The following ITGA1 variants were observed in gnomAD, a reference collection of about 807,000 sequenced individuals.
ITGA1 encodes the protein integrin subunit alpha 1.
A neutral mutation model predicts 145.9 loss-of-function variants in ITGA1; 85 were observed. That is an observed-to-expected ratio of 0.58 (90% CI 0.49 to 0.70). The LOEUF is 0.70. ITGA1 is among the 30% of genes least tolerant of loss of function. The pLI is 0.00. For missense variants in ITGA1, 1,351 were observed against 1,418.7 expected, an observed-to-expected ratio of 0.95 and a Z score of 0.77; for synonymous variants, 520 against 495.3, an observed-to-expected ratio of 1.05 and a Z score of -0.66.
rs955518785 is a variant in ITGA1 at position 52,911,969 on chromosome 5, C to A, written c.1857+1550C>A. Among the ~76,000 whole-genome samples the A allele has an allele frequency of 3.1e-3, 227 of 74,302 alleles. 2 individuals carry two copies. Among genetic ancestry groups the A allele is most frequent in the African/African-American group, 8.5e-3 (197 of 23,134 alleles). 48.7% of individuals were successfully genotyped at this position (74,302 alleles called of 152,430 possible). A position where few individuals can be genotyped will look rare whatever the true frequency, so the allele number is the denominator to read the frequency against. On this transcript the variant is annotated intron_variant, in intron 14 of 28. Coordinates refer to ENST00000282588, the MANE Select transcript of ITGA1 (RefSeq NM_181501.2). ...ACTATATATACTATATATAGTGTAT[C>A]TACTATATATACTATATGTATAGTG... is the stretch of plus-strand genomic sequence containing the variant.
At chr5:52,917,707 TGTGTAC>T in intron 15 of ITGA1, among the ~76,000 whole-genome samples, 1 of 151,866 alleles carries the variant, frequency 6.6e-6, no homozygotes, top group Middle Eastern at 3.4e-3. Context: ...TGTATGCATG[TGTGTAC>T]GTGTATGCAT....
chr5:52,934,687 A>G (rs527682703), intron 23 of ITGA1, among the ~76,000 whole-genome samples: 2 of 152,040 alleles, frequency 1.3e-5, no homozygotes, highest in South Asian at 2.1e-4. Flanking sequence ...TCACTCAAGG[A>G]AAAAAGAGAG....
intron 6 of ITGA1, among the ~76,000 whole-genome samples, chr5:52,881,277 T>C (rs1188129979): frequency 2.6e-5 from 4 of 152,190 alleles, no homozygotes; most frequent in Non-Finnish European, 5.9e-5. Context: ...CATGGCTCAC[T>C]GCCTTTCTTT....
intron 1 of ITGA1, among the ~76,000 whole-genome samples, chr5:52,810,740 C>T (rs1748671888): frequency 6.8e-6 from 1 of 147,490 alleles, no homozygotes; most frequent in Non-Finnish European, 1.5e-5. Context: ...CTGGGCCTAA[C>T]TCCTTATCTA....
chr5:52,838,889 G>A (rs1011170060), intron 1 of ITGA1, among the ~76,000 whole-genome samples: 2 of 152,222 alleles, frequency 1.3e-5, no homozygotes, highest in African/African-American at 4.8e-5. Flanking sequence ...TCGAGCCCAG[G>A]AGTTCAAAAC....
At chr5:52,819,953 G>C (rs1471539430) in intron 1 of ITGA1, among the ~76,000 whole-genome samples, 1 of 152,040 alleles carries the variant, frequency 6.6e-6, no homozygotes, top group Non-Finnish European at 1.5e-5. Flanking sequence ...AGATCAGATG[G>C]TTAGATATGT....
intron 6 of ITGA1, among the ~76,000 whole-genome samples, 154 bp from the exon 7 acceptor site, chr5:52,881,719 C>A (rs551889816): frequency 1.2e-4 from 18 of 152,190 alleles, no homozygotes; most frequent in Non-Finnish European, 2.5e-4. Flanking sequence ...CACAGAATGG[C>A]TATGCTTATT....
intron 1 of ITGA1, among the ~76,000 whole-genome samples, chr5:52,833,069 T>A (rs908705643): frequency 1.3e-5 from 2 of 151,736 alleles, no homozygotes; most frequent in African/African-American, 4.8e-5. Context: ...GTACACACTT[T>A]TAATCCCAGC....
At chr5:52,952,120 G>C (rs1485913656) in intron 28 of ITGA1, among the ~76,000 whole-genome samples, 1 of 151,590 alleles carries the variant, frequency 6.6e-6, no homozygotes, top group Non-Finnish European at 1.5e-5. Flanking sequence ...AACCCGGGTG[G>C]CGGAGGTTGC....
At chr5:52,814,156 TTTGA>T (rs1332288473) in intron 1 of ITGA1, among the ~76,000 whole-genome samples, 1 of 152,198 alleles carries the variant, frequency 6.6e-6, no homozygotes, top group African/African-American at 2.4e-5. Flanking sequence ...GGTTTGTTTG[TTTGA>T]TTTTGAGACA....
At chr5:52,857,501 GC>G (rs757246495) in intron 2 of ITGA1, among the ~76,000 whole-genome samples, 3 of 150,260 alleles carry the variant, frequency 2.0e-5, no homozygotes, top group Non-Finnish European at 4.4e-5. Flanking sequence ...TATTAACACT[GC>G]CCATCTCCCT....
At chr5:52,930,137 TATC>T (rs1385647008) in intron 21 of ITGA1, among the ~76,000 whole-genome samples, 1 of 152,150 alleles carries the variant, frequency 6.6e-6, no homozygotes, top group African/African-American at 2.4e-5. Flanking sequence ...TTCTGAAAGG[TATC>T]ATAGAACACA....
In ITGA1 at chr5:52,912,123, A is replaced by G. The variant is rs181106845; in HGVS notation, c.1857+1704A>G. Among the ~76,000 whole-genome samples the G allele has an allele frequency of 6.5e-3, 920 of 142,188 alleles. 9 individuals are homozygous for G. The highest frequency in any genetic ancestry group is 0.047 in the Middle Eastern group (4 of 86). 93.3% of individuals were successfully genotyped at this position (142,188 alleles called of 152,430 possible). Reference sequence around the variant, plus strand: ...TATAGCGTATCTAGTATATAGATACACTATATATAGCGTATCTAGTATATA... The same window carrying G: ...TATAGCGTATCTAGTATATAGATACGCTATATATAGCGTATCTAGTATATA... On this transcript the variant is annotated intron_variant, in intron 14 of 28. Coordinates refer to ENST00000282588, the MANE Select transcript of ITGA1 (RefSeq NM_181501.2).
At chr5:52,917,544 TATG>T (rs1292650235) in intron 15 of ITGA1, among the ~76,000 whole-genome samples, 1 of 152,174 alleles carries the variant, frequency 6.6e-6, no homozygotes, top group Non-Finnish European at 1.5e-5. Flanking sequence ...GGTATGTGCA[TATG>T]CTGGTATAGT....
intron 1 of ITGA1, among the ~76,000 whole-genome samples, chr5:52,836,365 G>A (rs988889439): frequency 3.9e-5 from 6 of 152,170 alleles, no homozygotes; most frequent in African/African-American, 1.4e-4. Flanking sequence ...ATGGAAAGAG[G>A]AACTAGTGAA....
intron 1 of ITGA1, among the ~76,000 whole-genome samples, chr5:52,808,066 A>G (rs1462510980): frequency 6.6e-6 from 1 of 152,178 alleles, no homozygotes; most frequent in Admixed American, 6.6e-5. Context: ...TGGATTCTGA[A>G]ACACTGTCAA....
rs779967759 is a variant in ITGA1 at position 52,915,444 on chromosome 5, T to C, written c.1858-20T>C. The C allele has an allele frequency of 6.9e-6, 11 of 1,584,386 alleles. No homozygotes were observed. In the African/African-American group the frequency reaches 1.5e-4, roughly 21 times the overall value. Reference sequence around the variant, plus strand: ...AACAGACTCTTCTCATATGAAACTCTTTTTTTTGGATTCTCACAGCGTATT... The same window carrying C: ...AACAGACTCTTCTCATATGAAACTCCTTTTTTTGGATTCTCACAGCGTATT... On this transcript the variant is annotated intron_variant, in intron 14 of 28. Coordinates refer to ENST00000282588, the MANE Select transcript of ITGA1 (RefSeq NM_181501.2).
At chr5:52,952,379 T>A (rs1315096442) in intron 28 of ITGA1, 28 bp from the exon 29 acceptor site, 2 of 1,306,240 alleles carry the variant, frequency 1.5e-6, no homozygotes, top group Non-Finnish European at 2.1e-6. Flanking sequence ...AATAGTTAAT[T>A]GTGTTATGTT....
intron 1 of ITGA1, among the ~76,000 whole-genome samples, chr5:52,826,695 A>T (rs1441905556): frequency 6.6e-6 from 1 of 152,220 alleles, no homozygotes; most frequent in African/African-American, 2.4e-5. Context: ...ACTATGCTAA[A>T]TCTACCTACA....
Sources: gnomAD v4.1 joint callset for allele counts (sites outside exome capture counted in the v4.1 genomes callset) on GRCh38, gnomAD v4.1.1 for gene constraint, MANE v1.5 for transcripts, NCBI Gene and HGNC (gene_info 2026-07-23, HGNC 2026-07-21) for gene names.